Variants in CADM1 observed in about 807,000 individuals in gnomAD.
CADM1 encodes cell adhesion molecule 1, also known as TSLC-1.
CADM1 carries 15 observed loss-of-function variants against 53.1 expected under a neutral mutation model. That is an observed-to-expected ratio of 0.28 (90% CI 0.19 to 0.44). CADM1 has a LOEUF of 0.44. CADM1 is among the 20% of genes least tolerant of loss of function. The pLI is 1.00. For missense variants in CADM1, 434 were observed against 611.3 expected (o/e 0.71, Z 3.06); for synonymous variants, 281 against 243.0 (o/e 1.16, Z -1.45).
At position 115,174,859 on chromosome 11, in the gene CADM1, G is replaced by C. The variant is rs1938950083; in HGVS notation, c.*1615C>G. The C allele has an allele frequency of 1.0e-6, 1 of 985,384 alleles. No homozygotes were observed. The highest frequency in any genetic ancestry group is 1.2e-6 in the Non-Finnish European group (1 of 829,808). The allele number at this position is 985,384 out of a possible 1,614,324, so 61.0% of individuals were successfully genotyped here. A position where few individuals can be genotyped will look rare whatever the true frequency, so the allele number is the denominator to read the frequency against. On this transcript the variant is annotated 3_prime_UTR_variant, in exon 12 of 12. Transcript: ENST00000331581. ...TAAGAGTTTAGTTTCTGTCCTTCAG[G>C]ACTACTTCTAGATTTCCTAGACGTT...
chr11:115,313,460 C>G (rs1944582477), intron 1 of CADM1, among the ~76,000 whole-genome samples: 1 of 151,948 alleles, frequency 6.6e-6, no homozygotes, highest in East Asian at 1.9e-4. Context: ...AGCTTGGACC[C>G]AAAGAAACCT....
chr11:115,203,505 A>G lies in CADM1; in HGVS notation c.1079-5067T>C, dbSNP rs1940535991. ...TGGGAGGGCTGGGTCCTTCCAGTCA[A>G]GTCTTTTATTTTTCACTACCAAGAT... On this transcript the variant is annotated intron_variant, in intron 8 of 11. Transcript: ENST00000331581. Among the ~76,000 whole-genome samples, 3 of 152,258 alleles carry G rather than the reference A, an allele frequency of 2.0e-5. No individual in the cohort carries two copies. The South Asian group carries it at 6.2e-4, about 32-fold the overall frequency.
chr11:115,345,609 G>C (rs944318953), intron 1 of CADM1, among the ~76,000 whole-genome samples: 6 of 152,182 alleles, frequency 3.9e-5, no homozygotes, highest in African/African-American at 1.4e-4. Flanking sequence ...TAGTGTGTAG[G>C]ATTTTGTCAA....
chr11:115,273,162 A>C (rs1440391801), intron 1 of CADM1, among the ~76,000 whole-genome samples: 1 of 152,218 alleles, frequency 6.6e-6, no homozygotes, highest in Non-Finnish European at 1.5e-5. Flanking sequence ...ACTAAGAATA[A>C]AACTGTTTTG....
rs1939838868 is a variant in CADM1, at chr11:115,191,189, T to A, written c.1112-248A>T. 5 of 472,684 alleles carry A rather than the reference T, an allele frequency of 1.1e-5. No individual in the cohort carries two copies. In the Middle Eastern group the frequency reaches 2.3e-3, roughly 219 times the overall value. 29.3% of individuals were successfully genotyped at this position (472,684 alleles called of 1,614,324 possible). On this transcript the variant is annotated intron_variant, in intron 9 of 11. Transcript: ENST00000331581. ...AAAGGACATGAAACATGAAGGTGAATGCTTAAAATCACTCATTCGTAACAG... is the reference window on the plus strand; with the variant it reads ...AAAGGACATGAAACATGAAGGTGAAAGCTTAAAATCACTCATTCGTAACAG...
chr11:115,437,040 C>A (rs748209915), intron 1 of CADM1, among the ~76,000 whole-genome samples: 1 of 152,082 alleles, frequency 6.6e-6, no homozygotes, highest in Non-Finnish European at 1.5e-5. Flanking sequence ...GTGAGTAAAA[C>A]GTCTGTTAGA....
At chr11:115,344,998 G>A (rs1395211721) in intron 1 of CADM1, among the ~76,000 whole-genome samples, 1 of 152,124 alleles carries the variant, frequency 6.6e-6, no homozygotes, top group Admixed American at 6.6e-5. Context: ...ATTCTTCAGT[G>A]TTAAAACTCT....
At chr11:115,232,491 C>A (rs534090388) in intron 3 of CADM1, among the ~76,000 whole-genome samples, 1 of 152,104 alleles carries the variant, frequency 6.6e-6, no homozygotes, top group South Asian at 2.1e-4. Context: ...AAACCAAAGA[C>A]GAAAGAGACT....
chr11:115,177,199 G>A lies in CADM1; in HGVS notation c.1298-607C>T, dbSNP rs867618463. 1.3e-5 allele frequency among the ~76,000 whole-genome samples: 2 copies of A among 152,296 alleles called. 1 individual carries two copies. Among genetic ancestry groups the A allele is most frequent in the Middle Eastern group, 6.8e-3 (2 of 294 alleles). ...GAAAGAATTTGACATTATAATAGCA[G>A]GGATCAAGGTTTGGGATCTGTCTTA... is the stretch of plus-strand genomic sequence containing the variant. On this transcript the variant is annotated intron_variant, in intron 11 of 11. Coordinates refer to ENST00000331581, the MANE Select transcript of CADM1 (RefSeq NM_001301043.2).
chr11:115,350,649 T>A (rs1270662700), intron 1 of CADM1, among the ~76,000 whole-genome samples: 2 of 146,838 alleles, frequency 1.4e-5, no homozygotes, highest in Middle Eastern at 3.2e-3. Flanking sequence ...AAAAAAAAAA[T>A]TAAATCTATA....
chr11:115,340,639 TATATATATATA>T (rs1945407477), intron 1 of CADM1, among the ~76,000 whole-genome samples: 2 of 29,736 alleles, frequency 6.7e-5, no homozygotes, highest in African/African-American at 2.4e-4. Context: ...TATATATATA[TATATATATATA>T]TATATATATT....
At chr11:115,206,661 C>A (rs11215417) in intron 8 of CADM1, among the ~76,000 whole-genome samples, 14,606 of 147,612 alleles carry the variant, frequency 0.099, 1,066 homozygotes, top group East Asian at 0.39. Context: ...TTTTCTATTG[C>A]ATGTGTACAT....
At chr11:115,333,030 G>A (rs1040574603) in intron 1 of CADM1, among the ~76,000 whole-genome samples, 1 of 152,156 alleles carries the variant, frequency 6.6e-6, no homozygotes, top group African/African-American at 2.4e-5. Flanking sequence ...AGACTAGAAC[G>A]TCCAATTGCT....
chr11:115,174,568 T>G lies in CADM1; in HGVS notation c.*1906A>C. ...TTCCCAAAAGGCCCCCATATTGCAA[T>G]GGTTCTATCAAAGGTTAAAATAAAG... On this transcript the variant is annotated 3_prime_UTR_variant, in exon 12 of 12. Coordinates refer to ENST00000331581, the MANE Select transcript of CADM1 (RefSeq NM_001301043.2). The G allele has an allele frequency of 1.0e-6, 1 of 985,260 alleles. No individual in the cohort carries two copies. The highest frequency in any genetic ancestry group is 1.2e-6 in the Non-Finnish European group (1 of 829,470). The allele number at this position is 985,260 out of a possible 1,614,324, so 61.0% of individuals were successfully genotyped here.
At chr11:115,278,216 A>G (rs1943495507) in intron 1 of CADM1, among the ~76,000 whole-genome samples, 1 of 152,204 alleles carries the variant, frequency 6.6e-6, no homozygotes, top group African/African-American at 2.4e-5. Context: ...AACTAAGATG[A>G]GAAAAAAATA....
chr11:115,226,676 G>T (rs1486089989), intron 5 of CADM1, among the ~76,000 whole-genome samples: 3 of 152,142 alleles, frequency 2.0e-5, no homozygotes, highest in Admixed American at 1.3e-4. Flanking sequence ...GGACGGCTGT[G>T]GGGGGCACTG....
At chr11:115,287,562 C>T (rs1033807493) in intron 1 of CADM1, 1 of 152,212 alleles carries the variant, frequency 6.6e-6, no homozygotes, top group Non-Finnish European at 1.5e-5. Flanking sequence ...TGGAGACAAC[C>T]AGGCAGCTGA....
At chr11:115,289,529 T>C (rs1055499105) in intron 1 of CADM1, among the ~76,000 whole-genome samples, 2 of 151,616 alleles carry the variant, frequency 1.3e-5, no homozygotes, top group Admixed American at 6.6e-5. Context: ...TGGTAGTCAC[T>C]CAACATATGG....
intron 1 of CADM1, among the ~76,000 whole-genome samples, chr11:115,500,523 A>T (rs549201718): frequency 1.3e-5 from 2 of 152,368 alleles, no homozygotes; most frequent in South Asian, 4.1e-4. Context: ...GGAAAAAGTC[A>T]CTAAAAACTC....
Sources: allele counts gnomAD v4.1 joint callset (sites outside exome capture counted in the v4.1 genomes callset), GRCh38; gene constraint gnomAD v4.1.1; transcripts MANE v1.5; gene names NCBI Gene and HGNC (gene_info 2026-07-23, HGNC 2026-07-21).